TIAM2: variants seen among roughly 807,000 people sequenced by gnomAD.
TIAM2 encodes the protein rho guanine nucleotide exchange factor TIAM2.
In TIAM2, 80 loss-of-function variants were observed where a neutral mutation model predicts 152.9. The ratio of observed to expected loss-of-function variants is 0.52; its 90% CI spans 0.44 to 0.63. TIAM2 has a LOEUF of 0.63. Ranked by LOEUF, TIAM2 falls within the 30% of genes least tolerant of loss-of-function variation. The pLI, the probability that TIAM2 is intolerant of heterozygous loss-of-function variation, is 0.00. For synonymous variants in TIAM2, 804 were observed against 838.0 expected (o/e 0.96, Z 0.70); for missense variants, 1,965 against 2,120.1 (o/e 0.93, Z 1.44).
intron 1 of TIAM2, among the ~76,000 whole-genome samples, chr6:155,073,115 A>G (rs1452597960): frequency 7.5e-6 from 1 of 132,780 alleles, no homozygotes; most frequent in Admixed American, 7.5e-5. Flanking sequence ...ATTATCCATT[A>G]TTTGCTGTGC....
chr6:155,168,751 A>G, intron 9 of TIAM2: 28 of 1,051,220 alleles, frequency 2.7e-5, no homozygotes, highest in Non-Finnish European at 3.3e-5. Context: ...CTAAAATGTT[A>G]TAGAACTTTA....
chr6:155,161,853 C>T (rs1324764091), intron 7 of TIAM2, among the ~76,000 whole-genome samples: 1 of 152,170 alleles, frequency 6.6e-6, no homozygotes, highest in Non-Finnish European at 1.5e-5. Context: ...GCTGGGATTA[C>T]AGACGTGAGC....
intron 21 of TIAM2, 96 bp from the exon 22 acceptor site, chr6:155,250,817 C>A: frequency 7.5e-7 from 1 of 1,325,254 alleles, no homozygotes; most frequent in Non-Finnish European, 1.1e-6. Context: ...GCTGTGCTTG[C>A]ATTTTAGCAA....
intron 2 of TIAM2, among the ~76,000 whole-genome samples, chr6:155,091,301 C>A (rs1778299797): frequency 6.6e-6 from 1 of 152,158 alleles, no homozygotes; most frequent in Admixed American, 6.5e-5. Context: ...TGTTGTCTGT[C>A]TCCGCCTTCC....
intron 1 of TIAM2, among the ~76,000 whole-genome samples, chr6:155,076,061 G>A (rs1413215030): frequency 1.3e-5 from 2 of 152,178 alleles, no homozygotes; most frequent in Non-Finnish European, 2.9e-5. Context: ...TTGACTAGAA[G>A]CGTCTGCATT....
At chr6:154,999,219 A>ATT (rs1050301477) in intron 1 of TIAM2, among the ~76,000 whole-genome samples, 3 of 151,756 alleles carry the variant, frequency 2.0e-5, no homozygotes, top group Non-Finnish European at 4.4e-5. Context: ...TAATTAATTA[A>ATT]TTAATTTTTT....
intron 1 of TIAM2, among the ~76,000 whole-genome samples, chr6:155,073,993 A>G (rs571341176): frequency 2.2e-3 from 333 of 152,310 alleles, no homozygotes; most frequent in African/African-American, 7.3e-3. Context: ...GCCCCAGAGC[A>G]ACTTGTTGGG....
intron 2 of TIAM2, among the ~76,000 whole-genome samples, chr6:155,124,920 G>A (rs977766919): frequency 6.7e-6 from 1 of 148,580 alleles, no homozygotes; most frequent in East Asian, 2.0e-4. Context: ...CAGGAGATTT[G>A]TCTTTGTCTT....
chr6:155,086,992 A>G (rs938367416), intron 1 of TIAM2, among the ~76,000 whole-genome samples: 1 of 152,204 alleles, frequency 6.6e-6, no homozygotes, highest in East Asian at 1.9e-4. Flanking sequence ...GAGACAAATG[A>G]GTGAAAAAGA....
intron 15 of TIAM2, among the ~76,000 whole-genome samples, chr6:155,215,976 TTTG>T (rs1781848686): frequency 6.6e-6 from 1 of 151,870 alleles, no homozygotes. Flanking sequence ...CCCGGATAAT[TTTG>T]TTTATTTTTT....
At chr6:155,173,590 C>T (rs12525341) in intron 9 of TIAM2, among the ~76,000 whole-genome samples, 30,709 of 152,128 alleles carry the variant, frequency 0.2, 6,622 homozygotes, top group African/African-American at 0.55. Flanking sequence ...AGCGTTTACC[C>T]TTCTGCCTGT....
chr6:155,250,976 C>G lies in TIAM2; in HGVS notation c.4015C>G (p.Leu1339Val). The change falls in exon 22 of 27, where the codon CTG becomes GTG. Residue 1339 changes from leucine to valine, a missense_variant. Around this residue, in one of 3 missense-constraint regions of TIAM2, gnomAD observed 935 missense variants for 980.0 expected, o/e 0.95. Transcript: ENST00000682666. ...HSTVSWLNPF[L>V]SLGKARKDLE... Reference sequence around the variant, plus strand: ...TACGGTTTCCTGGTTGAATCCATTTCTGTCTCTAGGAAAAGCTAGAAAGGA... The same window carrying G: ...TACGGTTTCCTGGTTGAATCCATTTGTGTCTCTAGGAAAAGCTAGAAAGGA... The G allele has an allele frequency of 6.2e-7, 1 of 1,614,206 alleles. No individual in the cohort carries two copies. The highest frequency in any genetic ancestry group is 8.5e-7 in the Non-Finnish European group (1 of 1,180,030).
In TIAM2 at chr6:155,036,151, A is replaced by C. The variant is rs1029379127; in HGVS notation, c.-209+40659A>C. On this transcript the variant is annotated intron_variant, in intron 1 of 26. Transcript: ENST00000682666. The stretch of plus-strand genomic sequence containing the variant: ...AGTGGCCATCCAGCAATTGTGTGTT[A>C]AAAGAATGTCGCATGAATAAAGGAA... 5.3e-5 allele frequency among the ~76,000 whole-genome samples: 8 copies of C among 152,172 alleles called. No individual in the cohort carries two copies. The East Asian group carries it at 1.3e-3, about 26-fold the overall frequency.
chr6:155,128,737 G>T (rs375830062), intron 3 of TIAM2, among the ~76,000 whole-genome samples: 1 of 151,326 alleles, frequency 6.6e-6, no homozygotes, highest in Non-Finnish European at 1.5e-5. Context: ...GTGGTAGCAC[G>T]TGCCTATAGT....
chr6:155,182,057 CT>C (rs1346239997), intron 12 of TIAM2, among the ~76,000 whole-genome samples, 168 bp from the exon 13 acceptor site: 1 of 152,166 alleles, frequency 6.6e-6, no homozygotes, highest in Non-Finnish European at 1.5e-5. Context: ...TGACATTTGT[CT>C]TTTTCTGCCC....
At chr6:155,102,574 C>T (rs1583190632) in intron 2 of TIAM2, among the ~76,000 whole-genome samples, 1 of 152,046 alleles carries the variant, frequency 6.6e-6, no homozygotes. Context: ...TCCAATGCCC[C>T]ATCTTATCAT....
chr6:155,231,825 A>G (rs1411038470), intron 15 of TIAM2, among the ~76,000 whole-genome samples: 1 of 152,242 alleles, frequency 6.6e-6, no homozygotes, highest in African/African-American at 2.4e-5. Flanking sequence ...CTGTAATCCC[A>G]GTATTTTGGG....
At chr6:155,221,350 T>C (rs1178878696) in intron 15 of TIAM2, among the ~76,000 whole-genome samples, 1 of 152,172 alleles carries the variant, frequency 6.6e-6, no homozygotes, top group Non-Finnish European at 1.5e-5. Context: ...CTCATCCTGC[T>C]GGGACAGTGA....
chr6:155,179,004 A>C (rs371784257), intron 10 of TIAM2, 35 bp from the exon 11 acceptor site: 2 of 1,498,382 alleles, frequency 1.3e-6, no homozygotes, highest in Non-Finnish European at 1.8e-6. Context: ...TAGAAAGAGC[A>C]TTTAAAATCT....
Sources: allele counts gnomAD v4.1 joint callset (sites outside exome capture counted in the v4.1 genomes callset), GRCh38; gene constraint gnomAD v4.1.1; regional missense constraint gnomAD v4.1.1; transcripts MANE v1.5; gene names NCBI Gene and HGNC (gene_info 2026-07-23, HGNC 2026-07-21).